Variants in SOX5 observed in about 807,000 individuals in gnomAD.
The protein encoded by SOX5 is SRY-box transcription factor 5, also known as transcription factor SOX-5.
In SOX5, 9 loss-of-function variants were observed where a neutral mutation model predicts 92.0. That is an observed-to-expected ratio of 0.10 (90% CI 0.06 to 0.17). The LOEUF (loss-of-function observed/expected upper bound fraction) is 0.17, where lower values mean the gene tolerates loss of function less well. Ranked by LOEUF, SOX5 falls within the 10% of genes least tolerant of loss-of-function variation. The probability of loss-of-function intolerance (pLI) is 1.00; values close to 1 mark genes in which losing one functional copy is unlikely to be tolerated. For synonymous variants in SOX5, 344 were observed against 336.3 expected (o/e 1.02, Z -0.25); for missense variants, 642 against 944.5 (o/e 0.68, Z 4.20).
chr12:24,335,665 T>C (rs1951800617), intron 2 of SOX5, among the ~76,000 whole-genome samples: 1 of 152,116 alleles, frequency 6.6e-6, no homozygotes, highest in South Asian at 2.1e-4. Context: ...CAAATTTACA[T>C]TAAAGTGTGA....
intron 4 of SOX5, among the ~76,000 whole-genome samples, chr12:24,170,241 C>A (rs1224241372): frequency 1.3e-5 from 2 of 152,202 alleles, no homozygotes; most frequent in Non-Finnish European, 2.9e-5. Context: ...GCAGGCAGCG[C>A]TAGTGCAAGG....
chr12:23,598,546 C>G (rs1952877301), intron 9 of SOX5, among the ~76,000 whole-genome samples: 1 of 151,532 alleles, frequency 6.6e-6, no homozygotes, highest in South Asian at 2.1e-4. Flanking sequence ...CTACAGGCGC[C>G]TGCCACCACG....
chr12:24,541,561 GA>G (rs1952129698), intron 1 of SOX5, among the ~76,000 whole-genome samples: 1 of 152,180 alleles, frequency 6.6e-6, no homozygotes, highest in African/African-American at 2.4e-5. Flanking sequence ...AATTATTGAT[GA>G]AATTGCAATA....
chr12:24,024,869 G>A (rs750292894), intron 4 of SOX5, among the ~76,000 whole-genome samples: 11 of 151,982 alleles, frequency 7.2e-5, no homozygotes, highest in Non-Finnish European at 1.5e-4. Context: ...GAGCCAAGTA[G>A]AGTAAGACTG....
chr12:23,975,767 TC>T (rs908443681), intron 4 of SOX5, among the ~76,000 whole-genome samples: 2 of 152,052 alleles, frequency 1.3e-5, no homozygotes, highest in African/African-American at 4.8e-5. Context: ...CGTAGAAGAG[TC>T]CCTTGAACAT....
chr12:23,906,763 C>T (rs2097297652), intron 1 of SOX5, among the ~76,000 whole-genome samples: 1 of 152,084 alleles, frequency 6.6e-6, no homozygotes, highest in South Asian at 2.1e-4. Context: ...AATATAAGTA[C>T]AATTTTTCTG....
At chr12:23,970,215 A>T (rs1164955667) in intron 4 of SOX5, among the ~76,000 whole-genome samples, 5 of 144,408 alleles carry the variant, frequency 3.5e-5, no homozygotes, top group Non-Finnish European at 7.5e-5. Flanking sequence ...CACCTCAAAA[A>T]CTTTCAGCTG....
chr12:23,633,226 G>C (rs1423453378), intron 8 of SOX5, among the ~76,000 whole-genome samples: 1 of 151,798 alleles, frequency 6.6e-6, no homozygotes, highest in Non-Finnish European at 1.5e-5. Context: ...TAGAAGTGTA[G>C]CAAAAAACAG....
chr12:24,458,502 G>A (rs112678219), intron 1 of SOX5, among the ~76,000 whole-genome samples: 2 of 152,186 alleles, frequency 1.3e-5, no homozygotes, highest in African/African-American at 4.8e-5. Context: ...TTAAAATCCT[G>A]ATACCCGGCC....
At chr12:24,482,679 G>C (rs61911473) in intron 1 of SOX5, among the ~76,000 whole-genome samples, 2 of 152,224 alleles carry the variant, frequency 1.3e-5, no homozygotes, top group Admixed American at 6.5e-5. Context: ...GTATATTTCA[G>C]GATAAGTCTT....
At chr12:23,861,293 A>C (rs899018028) in intron 2 of SOX5, among the ~76,000 whole-genome samples, 1 of 152,160 alleles carries the variant, frequency 6.6e-6, no homozygotes, top group African/African-American at 2.4e-5. Context: ...ATATAAAAAA[A>C]GTTTTTCAGA....
At chr12:24,098,242 C>A (rs565309885) in intron 4 of SOX5, among the ~76,000 whole-genome samples, 47 of 152,218 alleles carry the variant, frequency 3.1e-4, no homozygotes, top group Non-Finnish European at 2.2e-4. Context: ...TCCTTATTAA[C>A]CACTTAGGTC....
At chr12:23,812,871 T>C (rs947668431) in intron 3 of SOX5, among the ~76,000 whole-genome samples, 5 of 152,314 alleles carry the variant, frequency 3.3e-5, no homozygotes, top group Admixed American at 2.0e-4. Context: ...GTATGTCATA[T>C]GTAAAAAAAG....
At chr12:24,321,944 CT>C (rs1192202916) in intron 2 of SOX5, among the ~76,000 whole-genome samples, 3 of 152,066 alleles carry the variant, frequency 2.0e-5, no homozygotes. Context: ...TTAAAACTGT[CT>C]TTTTTGAAAG....
intron 1 of SOX5, among the ~76,000 whole-genome samples, chr12:24,395,689 C>A (rs1959742594): frequency 6.6e-6 from 1 of 152,186 alleles, no homozygotes; most frequent in Admixed American, 6.5e-5. Context: ...TTGAGATCTG[C>A]CATAATATCT....
intron 4 of SOX5, among the ~76,000 whole-genome samples, chr12:24,073,866 T>C (rs1476271633): frequency 6.6e-6 from 1 of 152,198 alleles, no homozygotes; most frequent in African/African-American, 2.4e-5. Flanking sequence ...AGACAATAAA[T>C]TTTATTTATT....
intron 4 of SOX5, among the ~76,000 whole-genome samples, chr12:23,999,140 C>CTGTGAG (rs1555467152): frequency 7.1e-6 from 1 of 141,394 alleles, no homozygotes; most frequent in Non-Finnish European, 1.5e-5. Context: ...AAAAAAGACT[C>CTGTGAG]TGTGTGTGTG....
chr12:24,143,853 AAGAAGAAGG>A (rs975898287), intron 4 of SOX5, among the ~76,000 whole-genome samples: 2 of 151,284 alleles, frequency 1.3e-5, no homozygotes, highest in African/African-American at 4.9e-5. Context: ...AGGAGGAGGA[AAGAAGAAGG>A]AGGAGAAGGA....
At chr12:24,470,576 G>C (rs2137627008) in intron 1 of SOX5, among the ~76,000 whole-genome samples, 1 of 152,150 alleles carries the variant, frequency 6.6e-6, no homozygotes, top group Admixed American at 6.5e-5. Context: ...GGTGGGCAGG[G>C]AAACACTCTC....
Sources: gnomAD v4.1 joint callset for allele counts (sites outside exome capture counted in the v4.1 genomes callset) on GRCh38, gnomAD v4.1.1 for gene constraint, MANE v1.5 for transcripts, NCBI Gene and HGNC (gene_info 2026-07-23, HGNC 2026-07-21) for gene names.